The following OTOGL variants were observed in gnomAD, a reference collection of about 807,000 sequenced individuals.
OTOGL encodes the protein otogelin like, also known as otogelin-like protein.
Under a neutral mutation model 318.5 loss-of-function variants are expected in OTOGL, and 285 were observed. The observed-to-expected ratio is 0.89, with a 90% CI of 0.81 to 0.99. The LOEUF is 0.99. Among genes scored for constraint, OTOGL ranks in the 50% least tolerant of loss-of-function variants. The pLI, the probability that OTOGL is intolerant of heterozygous loss-of-function variation, is 0.00. For synonymous variants in OTOGL, 987 were observed against 936.5 expected (o/e 1.05, Z -0.99); for missense variants, 2,899 against 2,845.6 (o/e 1.02, Z -0.43).
intron 1 of OTOGL, among the ~76,000 whole-genome samples, chr12:80,161,190 T>A (rs1873492680): frequency 6.6e-6 from 1 of 151,804 alleles, no homozygotes; most frequent in African/African-American, 2.4e-5. Flanking sequence ...AAGAACTTAG[T>A]CATGTAACCA....
intron 9 of OTOGL, among the ~76,000 whole-genome samples, chr12:80,236,321 A>G (rs1272406623): frequency 1.3e-5 from 2 of 152,200 alleles, no homozygotes; most frequent in African/African-American, 2.4e-5. Context: ...AAATGTCCCA[A>G]TATGGACAGT....
At chr12:80,365,971 G>A (rs1265942459) in intron 52 of OTOGL, among the ~76,000 whole-genome samples, 1 of 152,098 alleles carries the variant, frequency 6.6e-6, no homozygotes, top group Non-Finnish European at 1.5e-5. Flanking sequence ...ATCTGTCATA[G>A]TAACAATGTA....
At chr12:80,348,801 A>C (rs1183680871) in intron 44 of OTOGL, among the ~76,000 whole-genome samples, 1 of 152,136 alleles carries the variant, frequency 6.6e-6, no homozygotes, top group Non-Finnish European at 1.5e-5. Flanking sequence ...ATATTCCAAG[A>C]GTTTTTTCTG....
intron 1 of OTOGL, among the ~76,000 whole-genome samples, chr12:80,116,312 C>T (rs186032872): frequency 3.3e-4 from 50 of 152,068 alleles, no homozygotes; most frequent in Middle Eastern, 3.4e-3. Flanking sequence ...GAGAGTTCCC[C>T]GACCCCTTGT....
intron 26 of OTOGL, among the ~76,000 whole-genome samples, chr12:80,289,883 C>T (rs1443993302): frequency 6.6e-6 from 1 of 152,142 alleles, no homozygotes; most frequent in East Asian, 1.9e-4. Context: ...CTGGCTTCAA[C>T]CCCCTTTCCA....
chr12:80,357,320 A>C (rs1889969068), intron 49 of OTOGL, among the ~76,000 whole-genome samples: 1 of 152,192 alleles, frequency 6.6e-6, no homozygotes, highest in Non-Finnish European at 1.5e-5. Context: ...CTCAAAAAAG[A>C]ATGGCAGAAA....
rs1236449271 is a variant in OTOGL at position 80,314,331 on chromosome 12, G to A, written c.3634G>A (p.Gly1212Arg). 9.6e-7 allele frequency: 1 copy of A among 1,046,240 alleles called. No homozygotes were observed. The highest frequency in any genetic ancestry group is 3.2e-5 in the East Asian group (1 of 31,376). The allele number at this position is 1,046,240 out of a possible 1,614,324, so 64.8% of individuals were successfully genotyped here. ...ACTTGATTGTGAATACTACAATGAA[G>A]GTATGTGACATTCAAATTAAAAATA... Reference protein sequence around the residue: ...CSLDCEYYNEGLGEGPYMLAS... With the variant: ...CSLDCEYYNERLGEGPYMLAS... The change falls in exon 32 of 59, where the codon GGA becomes AGA. Residue 1212 changes from glycine (G) to arginine (R), a missense_variant and splice_region_variant. By Grantham distance (125) the Gly-to-Arg change is moderately radical. Coordinates refer to ENST00000547103, the MANE Select transcript of OTOGL (RefSeq NM_001378609.3).
At chr12:80,368,433 G>A (rs1441152974) in intron 55 of OTOGL, 124 bp downstream of exon 55, 2 of 514,998 alleles carry the variant, frequency 3.9e-6, no homozygotes, top group African/African-American at 3.9e-5. Context: ...TACACCTACA[G>A]CACACAAGAC....
At chr12:80,248,859 C>T (rs1270724616) in intron 11 of OTOGL, among the ~76,000 whole-genome samples, 2 of 149,544 alleles carry the variant, frequency 1.3e-5, no homozygotes, top group Non-Finnish European at 3.0e-5. Flanking sequence ...AGGCTTTGCT[C>T]ATTTCTTTTT....
intron 23 of OTOGL, among the ~76,000 whole-genome samples, chr12:80,271,029 C>T (rs1883368882): frequency 6.6e-6 from 1 of 152,062 alleles, no homozygotes; most frequent in Non-Finnish European, 1.5e-5. Context: ...TTCAGACAAG[C>T]CTAGGGCTTC....
rs777911261 is a variant in OTOGL, at chr12:80,261,968, G to T, written c.1890-1G>T. ...AGATGAGCATTGTCTTTGCTTTCTA[G>T]TTCTCCATCAGGCATGATAGAAGGT... On this transcript the variant is annotated splice_acceptor_variant, in intron 18 of 58. Transcript: ENST00000547103. LOFTEE classifies it high-confidence loss of function. The T allele has an allele frequency of 1.7e-5, 28 of 1,609,926 alleles. No homozygotes were observed. Among genetic ancestry groups the T allele is most frequent in the Middle Eastern group, 1.7e-4 (1 of 6,048 alleles).
At chr12:80,257,703 C>G in intron 17 of OTOGL, 122 bp from the exon 18 acceptor site, 1 of 1,012,914 alleles carries the variant, frequency 9.9e-7, no homozygotes, top group African/African-American at 1.7e-5. Context: ...AGACAGGAAC[C>G]ACTAGCCTGC....
chr12:80,373,447 A>ACAAG (rs112478304), intron 57 of OTOGL, among the ~76,000 whole-genome samples: 575 of 4,708 alleles, frequency 0.12, 5 homozygotes, highest in African/African-American at 0.28. Context: ...AAACAAACAA[A>ACAAG]CAAACAAACA....
At chr12:80,139,662 A>G (rs1158426898) in intron 1 of OTOGL, among the ~76,000 whole-genome samples, 1 of 152,182 alleles carries the variant, frequency 6.6e-6, no homozygotes, top group Non-Finnish European at 1.5e-5. Flanking sequence ...TTATAAAATT[A>G]AAATATATTT....
At chr12:80,271,914 A>G (rs1478838247) in intron 24 of OTOGL, 104 bp downstream of exon 24, 1 of 1,329,386 alleles carries the variant, frequency 7.5e-7, no homozygotes, top group Non-Finnish European at 1.0e-6. Flanking sequence ...TGTTCTGACT[A>G]GTGGTTAACT....
chr12:80,239,545 G>T, intron 11 of OTOGL, 106 bp downstream of exon 11: 1 of 773,400 alleles, frequency 1.3e-6, no homozygotes, highest in Non-Finnish European at 2.0e-6. Context: ...AAATATTATG[G>T]GAAATGTAAA....
At chr12:80,214,991 G>A (rs1023125150) in intron 4 of OTOGL, among the ~76,000 whole-genome samples, 19 of 152,122 alleles carry the variant, frequency 1.2e-4, no homozygotes, top group Non-Finnish European at 1.5e-5. Context: ...GGATGTTGTT[G>A]TAGCCAGAGA....
intron 7 of OTOGL, among the ~76,000 whole-genome samples, chr12:80,226,086 T>G (rs2137374912): frequency 6.6e-6 from 1 of 151,872 alleles, no homozygotes; most frequent in South Asian, 2.1e-4. Flanking sequence ...TATGCCATTA[T>G]CTCTTTATTT....
chr12:80,128,128 A>C (rs930708464), intron 1 of OTOGL, among the ~76,000 whole-genome samples: 6 of 151,750 alleles, frequency 4.0e-5, no homozygotes, highest in African/African-American at 1.5e-4. Flanking sequence ...GATTTTTAGA[A>C]TTTTCAGTTT....
Sources: allele counts gnomAD v4.1 joint callset (sites outside exome capture counted in the v4.1 genomes callset), GRCh38; gene constraint gnomAD v4.1.1; transcripts MANE v1.5; gene names NCBI Gene and HGNC (gene_info 2026-07-23, HGNC 2026-07-21).